Variants in TBC1D22B observed in about 807,000 individuals in gnomAD.
TBC1D22B encodes the protein chromosome 6 open reading frame 197.
TBC1D22B carries 32 observed loss-of-function variants against 69.1 expected under a neutral mutation model. The observed-to-expected ratio is 0.46, with a 90% confidence interval of 0.35 to 0.62. The LOEUF (loss-of-function observed/expected upper bound fraction) is 0.62, where lower values mean the gene tolerates loss of function less well. Among genes scored for constraint, TBC1D22B ranks in the 20% least tolerant of loss-of-function variants. The pLI is 0.00. For missense variants in TBC1D22B, 462 were observed against 630.9 expected (o/e 0.73, Z 2.87); for synonymous variants, 206 against 229.8 (o/e 0.90, Z 0.94).
intron 12 of TBC1D22B, among the ~76,000 whole-genome samples, chr6:37,322,885 G>A (rs925301318): frequency 1.3e-5 from 2 of 152,214 alleles, no homozygotes; most frequent in Non-Finnish European, 2.9e-5. Context: ...TGCACGTGTA[G>A]ACGAGCATGA....
intron 12 of TBC1D22B, among the ~76,000 whole-genome samples, chr6:37,320,180 A>G (rs1361016515): frequency 6.6e-6 from 1 of 152,232 alleles, no homozygotes; most frequent in African/African-American, 2.4e-5. Context: ...TAAGGGGTTC[A>G]GAGAGGAAGC....
chr6:37,310,572 G>T (rs929359997), intron 8 of TBC1D22B, among the ~76,000 whole-genome samples: 1 of 152,196 alleles, frequency 6.6e-6, no homozygotes, highest in Non-Finnish European at 1.5e-5. Context: ...GGAGGCTGAG[G>T]CAGGAGAATT....
intron 8 of TBC1D22B, among the ~76,000 whole-genome samples, chr6:37,292,852 G>A (rs565542256): frequency 3.3e-5 from 5 of 152,134 alleles, no homozygotes; most frequent in Non-Finnish European, 7.3e-5. Context: ...ATCAAGCAGT[G>A]TGCCTTCCTG....
intron 12 of TBC1D22B, among the ~76,000 whole-genome samples, chr6:37,320,411 A>G (rs1299773233): frequency 6.6e-6 from 1 of 152,172 alleles, no homozygotes; most frequent in African/African-American, 2.4e-5. Flanking sequence ...AGAAACAAAT[A>G]CATGTGAGAC....
At chr6:37,313,240 AAC>A (rs1767975732) in intron 9 of TBC1D22B, among the ~76,000 whole-genome samples, 1 of 152,184 alleles carries the variant, frequency 6.6e-6, no homozygotes, top group Admixed American at 6.5e-5. Context: ...CTGTAATCCC[AAC>A]ACTTTGGGAG....
intron 8 of TBC1D22B, among the ~76,000 whole-genome samples, chr6:37,294,493 A>G (rs1208661397): frequency 2.0e-5 from 3 of 152,274 alleles, no homozygotes; most frequent in East Asian, 1.9e-4. Flanking sequence ...TAGGACTTTC[A>G]TAGCTAGAGG....
At chr6:37,284,269 T>G in intron 5 of TBC1D22B, 67 bp from the exon 6 acceptor site, 1 of 1,610,546 alleles carries the variant, frequency 6.2e-7, no homozygotes, top group Non-Finnish European at 8.5e-7. Context: ...CTGCATAGAT[T>G]AAAATAAAAA....
At chr6:37,292,091 C>G (rs1187131527) in intron 8 of TBC1D22B, among the ~76,000 whole-genome samples, 1 of 152,172 alleles carries the variant, frequency 6.6e-6, no homozygotes, top group Non-Finnish European at 1.5e-5. Flanking sequence ...GTAAGGAGAA[C>G]CTCATGTAGG....
At chr6:37,260,375 C>G (rs1394858304) in intron 1 of TBC1D22B, among the ~76,000 whole-genome samples, 2 of 152,094 alleles carry the variant, frequency 1.3e-5, no homozygotes, top group Non-Finnish European at 2.9e-5. Context: ...TTCCATTTGT[C>G]TGATCATGAT....
chr6:37,287,176 T>C (rs112803791), intron 7 of TBC1D22B, 104 bp downstream of exon 7: 117 of 833,728 alleles, frequency 1.4e-4, no homozygotes, highest in African/African-American at 1.4e-3. Context: ...TGTTCATATA[T>C]GCAGCTTTGG....
intron 8 of TBC1D22B, among the ~76,000 whole-genome samples, chr6:37,302,322 G>A (rs1442131344): frequency 6.6e-6 from 1 of 152,136 alleles, no homozygotes; most frequent in African/African-American, 2.4e-5. Flanking sequence ...GGTCACCCCT[G>A]GGGAGATAAA....
Position 37,295,712 on chromosome 6 carries a change from C to T in TBC1D22B, c.982+4355C>T, listed in dbSNP as rs117773227. On this transcript the variant is annotated intron_variant, in intron 8 of 12. Transcript: ENST00000373491. ...ATTCCTGGCTCCTCTCCAAATCCATCGATTCCCTGGTCTCTTCCCCAGCCA... is the reference window on the plus strand; with the variant it reads ...ATTCCTGGCTCCTCTCCAAATCCATTGATTCCCTGGTCTCTTCCCCAGCCA... 1.7e-3 allele frequency: 607 copies of T among 348,200 alleles called. 18 individuals are homozygous for T. The East Asian group carries it at 0.047, about 27-fold the overall frequency. The allele number at this position is 348,200 out of a possible 1,614,324, so 21.6% of individuals were successfully genotyped here.
chr6:37,292,331 A>G (rs1767211454), intron 8 of TBC1D22B, among the ~76,000 whole-genome samples: 1 of 152,206 alleles, frequency 6.6e-6, no homozygotes, highest in African/African-American at 2.4e-5. Flanking sequence ...AGAGGAGAGC[A>G]TAAGAAATGT....
chr6:37,298,766 C>T (rs540092856), intron 8 of TBC1D22B, among the ~76,000 whole-genome samples: 80 of 152,126 alleles, frequency 5.3e-4, no homozygotes, highest in Non-Finnish European at 9.6e-4. Flanking sequence ...AGGATGGTCT[C>T]GATCTCCTGA....
chr6:37,287,175 A>C, intron 7 of TBC1D22B, 103 bp downstream of exon 7: 1 of 844,136 alleles, frequency 1.2e-6, no homozygotes. Flanking sequence ...ATGTTCATAT[A>C]TGCAGCTTTG....
At chr6:37,295,460 T>G in intron 8 of TBC1D22B, 1 of 239,028 alleles carries the variant, frequency 4.2e-6, no homozygotes, top group Non-Finnish European at 8.6e-6. Context: ...GAAAGTCTGG[T>G]TTTATTTTAA....
At chr6:37,318,022 C>A (rs754945844) in intron 12 of TBC1D22B, among the ~76,000 whole-genome samples, 27 of 152,170 alleles carry the variant, frequency 1.8e-4, no homozygotes, top group Non-Finnish European at 2.8e-4. Context: ...GGCTTTTACT[C>A]TGAGTGGAAG....
At position 37,316,777 on chromosome 6, in the gene TBC1D22B, C is replaced by T; in HGVS notation, c.1240C>T (p.Leu414Phe). Reference protein sequence around the residue: ...QFAFRWMNNLLMRELPLRCTI... With the variant: ...QFAFRWMNNLFMRELPLRCTI... ...TGCCTTCCGCTGGATGAACAACCTG[C>T]TTATGCGGGAGCTTCCTCTTCGCTG... The change falls in exon 11 of 13, where the codon CTT (leucine) becomes TTT (phenylalanine). Residue 414 changes from leucine to phenylalanine, a missense_variant. Physicochemically the swap from Leu to Phe is conservative, Grantham distance 22. Around this residue, in one of 2 missense-constraint regions of TBC1D22B, gnomAD observed 225 missense variants for 375.4 expected, o/e 0.60. Coordinates refer to ENST00000373491, the MANE Select transcript of TBC1D22B (RefSeq NM_017772.4). The T allele has an allele frequency of 6.2e-7, 1 of 1,614,228 alleles. No homozygotes were observed. Among genetic ancestry groups the T allele is most frequent in the Non-Finnish European group, 8.5e-7 (1 of 1,180,044 alleles).
intron 2 of TBC1D22B, among the ~76,000 whole-genome samples, chr6:37,271,274 C>T (rs538267879): frequency 2.0e-5 from 3 of 152,252 alleles, no homozygotes; most frequent in South Asian, 2.1e-4. Flanking sequence ...AATCAAGCCA[C>T]TGCACTCCAC....
Sources: allele counts gnomAD v4.1 joint callset (sites outside exome capture counted in the v4.1 genomes callset), GRCh38; gene constraint gnomAD v4.1.1; regional missense constraint gnomAD v4.1.1; transcripts MANE v1.5; gene names NCBI Gene and HGNC (gene_info 2026-07-23, HGNC 2026-07-21).